The following PTPRD variants were observed in gnomAD, a reference collection of about 807,000 sequenced individuals.
PTPRD encodes receptor-type tyrosine-protein phosphatase delta.
PTPRD carries 34 observed loss-of-function variants against 214.5 expected under a neutral mutation model. The observed-to-expected ratio is 0.16, with a 90% CI of 0.12 to 0.21. The LOEUF (loss-of-function observed/expected upper bound fraction) is 0.21, where lower values mean the gene tolerates loss of function less well. PTPRD is among the 10% of genes least tolerant of loss of function. The probability of loss-of-function intolerance (pLI) is 1.00; values close to 1 mark genes in which losing one functional copy is unlikely to be tolerated. For synonymous variants in PTPRD, 1,128 were observed against 845.7 expected (o/e 1.33, Z -5.79); for missense variants, 2,545 against 2,398.7 (o/e 1.06, Z -1.27).
intron 4 of PTPRD, among the ~76,000 whole-genome samples, chr9:9,961,664 G>C (rs978745876): frequency 6.6e-6 from 1 of 152,082 alleles, no homozygotes; most frequent in East Asian, 1.9e-4. Flanking sequence ...TGGGAAGCAG[G>C]ATGCTGGCAA....
At chr9:8,725,517 T>C (rs916703538) in intron 12 of PTPRD, among the ~76,000 whole-genome samples, 2 of 152,156 alleles carry the variant, frequency 1.3e-5, no homozygotes, top group Admixed American at 6.5e-5. Context: ...TTTAAAAAGA[T>C]TCTGCTCAAA....
chr9:8,900,206 T>A (rs1329778334), intron 11 of PTPRD, among the ~76,000 whole-genome samples: 1 of 152,168 alleles, frequency 6.6e-6, no homozygotes, highest in South Asian at 2.1e-4. Context: ...ATTACCTTGG[T>A]GAAAAAGCAC....
chr9:10,559,691 T>G (rs938058504), intron 2 of PTPRD, among the ~76,000 whole-genome samples: 3 of 151,938 alleles, frequency 2.0e-5, no homozygotes, highest in Non-Finnish European at 4.4e-5. Flanking sequence ...GAATCTACAA[T>G]GAACTCAAAC....
At chr9:9,973,161 A>C (rs1358523272) in intron 4 of PTPRD, among the ~76,000 whole-genome samples, 1 of 152,058 alleles carries the variant, frequency 6.6e-6, no homozygotes, top group East Asian at 1.9e-4. Context: ...ACAGTAACTA[A>C]GTTAAAAATT....
chr9:9,318,261 A>C (rs998639603), intron 9 of PTPRD, among the ~76,000 whole-genome samples: 15 of 152,008 alleles, frequency 9.9e-5, no homozygotes, highest in Admixed American at 7.9e-4. Context: ...TTTTCCCTCA[A>C]TACTTGTTAA....
intron 39 of PTPRD, among the ~76,000 whole-genome samples, chr9:8,373,943 T>G (rs2381741): frequency 0.25 from 37,381 of 149,672 alleles, 5,866 homozygotes; most frequent in East Asian, 0.42. Context: ...AGTTTTCTAG[T>G]GCCTCCACTT....
At chr9:8,800,288 T>C (rs1212413336) in intron 11 of PTPRD, among the ~76,000 whole-genome samples, 1 of 152,188 alleles carries the variant, frequency 6.6e-6, no homozygotes, top group African/African-American at 2.4e-5. Flanking sequence ...TCAGCCATTC[T>C]GTCAGAGGCA....
At chr9:8,866,525 A>C (rs1309151890) in intron 11 of PTPRD, among the ~76,000 whole-genome samples, 4 of 152,086 alleles carry the variant, frequency 2.6e-5, no homozygotes, top group Non-Finnish European at 4.4e-5. Flanking sequence ...GCTAAAAAAA[A>C]CCTCAGTGGT....
intron 3 of PTPRD, among the ~76,000 whole-genome samples, chr9:10,332,556 GA>G (rs2096770747): frequency 6.6e-6 from 1 of 151,546 alleles, no homozygotes; most frequent in South Asian, 2.1e-4. Context: ...AATATTGAGG[GA>G]ATTCACATAG....
intron 14 of PTPRD, among the ~76,000 whole-genome samples, chr9:8,624,949 G>GA (rs1422255976): frequency 6.6e-6 from 1 of 151,638 alleles, no homozygotes; most frequent in African/African-American, 2.4e-5. Context: ...TTACCCAAAT[G>GA]GTCTCTTAAT....
chr9:9,169,202 T>C (rs1046306873), intron 10 of PTPRD, among the ~76,000 whole-genome samples: 2 of 152,082 alleles, frequency 1.3e-5, no homozygotes, highest in African/African-American at 2.4e-5. Flanking sequence ...ACTTTTATGA[T>C]ATTTCTAAAG....
At chr9:10,206,182 G>A (rs1038452441) in intron 3 of PTPRD, among the ~76,000 whole-genome samples, 1 of 151,878 alleles carries the variant, frequency 6.6e-6, no homozygotes, top group Non-Finnish European at 1.5e-5. Flanking sequence ...GAAATAGCAC[G>A]CATGAAATCA....
chr9:9,871,917 A>C (rs2065564971), intron 5 of PTPRD, among the ~76,000 whole-genome samples: 1 of 152,144 alleles, frequency 6.6e-6, no homozygotes, highest in Admixed American at 6.5e-5. Context: ...ACAAAAACTA[A>C]GGTTTATTGC....
chr9:10,514,762 T>C (rs996359064), intron 2 of PTPRD, among the ~76,000 whole-genome samples: 6 of 152,058 alleles, frequency 3.9e-5, no homozygotes, highest in Non-Finnish European at 7.4e-5. Context: ...TTGTTGTTGA[T>C]GTATCCAGAT....
At chr9:10,081,440 G>A (rs1282755544) in intron 3 of PTPRD, among the ~76,000 whole-genome samples, 1 of 151,954 alleles carries the variant, frequency 6.6e-6, no homozygotes, top group Admixed American at 6.6e-5. Flanking sequence ...GGAGCGTTTG[G>A]GAGGCAATTA....
At chr9:9,465,994 T>C (rs2094123575) in intron 8 of PTPRD, among the ~76,000 whole-genome samples, 1 of 152,158 alleles carries the variant, frequency 6.6e-6, no homozygotes, top group Non-Finnish European at 1.5e-5. Context: ...TTCCATAGCA[T>C]TGTATGAATC....
chr9:10,399,208 A>G lies in PTPRD; in HGVS notation c.-599-58191T>C, dbSNP rs191907785. Among the ~76,000 whole-genome samples the G allele has an allele frequency of 1.3e-4, 20 of 152,142 alleles. No individual in the cohort carries two copies. The East Asian group carries it at 3.3e-3, about 25-fold the overall frequency. ...TGAAAGATTCCTAGATTTGTAAATT[A>G]GAGAAGGATTGCAAAGATGAGACAA... On this transcript the variant is annotated intron_variant, in intron 2 of 45. Coordinates refer to ENST00000381196, the MANE Select transcript of PTPRD (RefSeq NM_002839.4).
chr9:9,831,406 T>A lies in PTPRD; in HGVS notation c.-367-64555A>T, dbSNP rs376355738. 1.6e-4 allele frequency among the ~76,000 whole-genome samples: 25 copies of A among 152,126 alleles called. No individual in the cohort carries two copies. The East Asian group carries it at 3.7e-3, about 22-fold the overall frequency. Reference sequence around the variant, plus strand: ...GAATTCACAAGGTTACTACATTTTTTAGATGAGAGAGTATGAGTTTGGAAA... The same window carrying A: ...GAATTCACAAGGTTACTACATTTTTAAGATGAGAGAGTATGAGTTTGGAAA... On this transcript the variant is annotated intron_variant, in intron 5 of 45. Coordinates refer to ENST00000381196, the MANE Select transcript of PTPRD (RefSeq NM_002839.4).
At position 8,518,343 on chromosome 9, in the gene PTPRD, G is replaced by C. The variant is rs374442437; in HGVS notation, c.1048C>G (p.Pro350Ala). The stretch of plus-strand genomic sequence containing the variant: ...TGCTGAATTATGTAATAAGAAACAG[G>C]CTCAGGGTTCCCAGAGTCCCACGTC... ...TLTWDSGNPE[P>A]VSYYIIQHKP... The change falls in exon 21 of 46, where the codon CCT becomes GCT. Residue 350 changes from proline to alanine, a missense_variant. Pro to Ala is a conservative substitution (Grantham distance 27). Transcript: ENST00000381196. 11 of 1,614,118 alleles carry C rather than the reference G, an allele frequency of 6.8e-6. No homozygotes were observed. The highest frequency in any genetic ancestry group is 1.1e-5 in the South Asian group (1 of 91,076).
Sources: gnomAD v4.1 joint callset for allele counts (sites outside exome capture counted in the v4.1 genomes callset) on GRCh38, gnomAD v4.1.1 for gene constraint, MANE v1.5 for transcripts, NCBI Gene and HGNC (gene_info 2026-07-23, HGNC 2026-07-21) for gene names.